STAG1: variants seen among roughly 807,000 people sequenced by gnomAD.
STAG1 encodes the protein cohesin subunit SA-1.
STAG1 carries 26 observed loss-of-function variants against 170.9 expected under a neutral mutation model. The observed-to-expected ratio is 0.15, with a 90% CI of 0.11 to 0.21. The LOEUF is 0.21. Among genes scored for constraint, STAG1 ranks in the 10% least tolerant of loss-of-function variants. The probability of loss-of-function intolerance (pLI) is 1.00; values close to 1 mark genes in which losing one functional copy is unlikely to be tolerated. For synonymous variants in STAG1, 514 were observed against 497.7 expected, an observed-to-expected ratio of 1.03 and a Z score of -0.44; for missense variants, 964 against 1,509.5, an observed-to-expected ratio of 0.64 and a Z score of 5.99.
At chr3:136,466,816 T>A (rs954119674) in intron 12 of STAG1, among the ~76,000 whole-genome samples, 3 of 152,122 alleles carry the variant, frequency 2.0e-5, no homozygotes, top group African/African-American at 7.2e-5. Context: ...CAGCAGAAAC[T>A]GAACAAGCCA....
At chr3:136,393,926 G>A (rs1335329937) in intron 22 of STAG1, among the ~76,000 whole-genome samples, 4 of 151,704 alleles carry the variant, frequency 2.6e-5, no homozygotes, top group East Asian at 1.9e-4. Context: ...TTTTTGAGAC[G>A]GAGTCTCGCT....
At chr3:136,731,188 T>TTAA (rs1199272766) in intron 1 of STAG1, among the ~76,000 whole-genome samples, 1 of 152,118 alleles carries the variant, frequency 6.6e-6, no homozygotes, top group Non-Finnish European at 1.5e-5. Context: ...CAGGAAGCAT[T>TTAA]TGCTCACTTC....
At chr3:136,632,586 C>G (rs1940373675) in intron 1 of STAG1, among the ~76,000 whole-genome samples, 1 of 152,024 alleles carries the variant, frequency 6.6e-6, no homozygotes, top group African/African-American at 2.4e-5. Flanking sequence ...GGGTAAGAGA[C>G]AGCATACAAG....
intron 10 of STAG1, among the ~76,000 whole-genome samples, chr3:136,474,007 T>A (rs906121801): frequency 1.3e-5 from 2 of 152,208 alleles, no homozygotes; most frequent in African/African-American, 4.8e-5. Context: ...TGGAAAAACC[T>A]GATTTTTATA....
intron 5 of STAG1, among the ~76,000 whole-genome samples, chr3:136,551,700 C>G (rs992986128): frequency 2.0e-5 from 3 of 151,698 alleles, no homozygotes; most frequent in African/African-American, 7.3e-5. Flanking sequence ...GCAGCCTCAA[C>G]CTCTTGGCCA....
intron 13 of STAG1, among the ~76,000 whole-genome samples, chr3:136,463,727 A>T (rs2089341221): frequency 1.1e-5 from 1 of 88,534 alleles, no homozygotes; most frequent in Admixed American, 1.3e-4. Context: ...AAAAAAAAAA[A>T]TGTGTATATG....
chr3:136,426,631 C>T (rs1181898573), intron 16 of STAG1, among the ~76,000 whole-genome samples: 1 of 152,042 alleles, frequency 6.6e-6, no homozygotes, highest in Non-Finnish European at 1.5e-5. Flanking sequence ...CACATGACAG[C>T]AATGTGAATA....
chr3:136,728,127 C>T (rs1248701310), intron 1 of STAG1, among the ~76,000 whole-genome samples: 1 of 151,884 alleles, frequency 6.6e-6, no homozygotes, highest in African/African-American at 2.4e-5. Context: ...CCATGCACTC[C>T]AGCCTGGGCA....
At chr3:136,420,448 T>C (rs573859479) in intron 20 of STAG1, among the ~76,000 whole-genome samples, 2 of 152,064 alleles carry the variant, frequency 1.3e-5, no homozygotes, top group African/African-American at 4.8e-5. Flanking sequence ...TCCACCTCCC[T>C]TGGCTTCCCA....
chr3:136,551,164 CCTT>C (rs1383983657), intron 5 of STAG1, among the ~76,000 whole-genome samples: 6 of 131,246 alleles, frequency 4.6e-5, no homozygotes, highest in African/African-American at 1.8e-4. Flanking sequence ...TTTTTTAACT[CCTT>C]TTTTTTTTTT....
intron 4 of STAG1, 65 bp from the exon 5 acceptor site, chr3:136,568,926 CAA>C: frequency 3.2e-6 from 4 of 1,235,586 alleles, no homozygotes; most frequent in Non-Finnish European, 4.6e-6. Context: ...AATAAATTTT[CAA>C]AAAAGTTTGT....
intron 1 of STAG1, among the ~76,000 whole-genome samples, chr3:136,695,516 C>T (rs544511560): frequency 2.6e-5 from 4 of 151,738 alleles, no homozygotes; most frequent in South Asian, 2.1e-4. Context: ...GAGTTACTTT[C>T]GCATGCCTTT....
intron 1 of STAG1, among the ~76,000 whole-genome samples, chr3:136,642,833 G>A (rs770371206): frequency 6.6e-6 from 1 of 152,152 alleles, no homozygotes; most frequent in Admixed American, 6.5e-5. Flanking sequence ...GCCTCTAGGG[G>A]AGGATCCTCC....
intron 7 of STAG1, among the ~76,000 whole-genome samples, chr3:136,511,698 C>T (rs560620250): frequency 6.6e-6 from 1 of 152,220 alleles, no homozygotes; most frequent in African/African-American, 2.4e-5. Context: ...CTAATGGGTA[C>T]TAGGCTTAAT....
chr3:136,570,361 T>C (rs1358857430), intron 4 of STAG1, among the ~76,000 whole-genome samples: 2 of 152,248 alleles, frequency 1.3e-5, no homozygotes, highest in South Asian at 2.1e-4. Context: ...AGCATTGTTA[T>C]GTGTATTAGT....
chr3:136,623,118 G>C, intron 3 of STAG1, 28 bp downstream of exon 3: 1 of 1,576,494 alleles, frequency 6.3e-7, no homozygotes, highest in Non-Finnish European at 8.7e-7. Flanking sequence ...ACTATTAAAG[G>C]AACAAAGAAG....
At chr3:136,593,971 G>A (rs765152192) in intron 4 of STAG1, among the ~76,000 whole-genome samples, 2 of 152,100 alleles carry the variant, frequency 1.3e-5, no homozygotes, top group Non-Finnish European at 2.9e-5. Context: ...TAATGTCTCA[G>A]TATCATTTGT....
In STAG1 at chr3:136,552,612, G is replaced by T. The variant is rs1289555885; in HGVS notation, c.395-10417C>A. Among the ~76,000 whole-genome samples, 9 of 152,256 alleles carry T rather than the reference G, an allele frequency of 5.9e-5. No homozygotes were observed. In the East Asian group the frequency reaches 1.7e-3, roughly 29 times the overall value. On this transcript the variant is annotated intron_variant, in intron 5 of 33. Coordinates refer to ENST00000383202, the MANE Select transcript of STAG1 (RefSeq NM_005862.3). ...TCAGTTGGGCGATATGAGGTAGAGG[G>T]TCTAGAAGAAATAACTCTATAAAGT... is the stretch of plus-strand genomic sequence containing the variant.
intron 9 of STAG1, among the ~76,000 whole-genome samples, chr3:136,488,915 T>G (rs2090069286): frequency 6.6e-6 from 1 of 152,214 alleles, no homozygotes; most frequent in Non-Finnish European, 1.5e-5. Context: ...TCCAATAGCC[T>G]CACCCCATTT....
Sources: allele counts gnomAD v4.1 joint callset (sites outside exome capture counted in the v4.1 genomes callset), GRCh38; gene constraint gnomAD v4.1.1; transcripts MANE v1.5; gene names NCBI Gene and HGNC (gene_info 2026-07-23, HGNC 2026-07-21).